Variants in NGEF observed in about 807,000 individuals in gnomAD.
NGEF encodes the protein ephexin-1.
A neutral mutation model predicts 80.9 loss-of-function variants in NGEF; 31 were observed. The ratio of observed to expected loss-of-function variants is 0.38; its 90% CI spans 0.29 to 0.52. The LOEUF (loss-of-function observed/expected upper bound fraction) is 0.52. Among genes scored for constraint, NGEF ranks in the 20% least tolerant of loss-of-function variants. NGEF has a pLI of 0.84. For synonymous variants in NGEF, 371 were observed against 370.2 expected (o/e 1.00, Z -0.03); for missense variants, 709 against 926.2 (o/e 0.77, Z 3.04).
At chr2:232,993,094 T>A (rs932265964) in intron 1 of NGEF, among the ~76,000 whole-genome samples, 14 of 68,610 alleles carry the variant, frequency 2.0e-4, no homozygotes, top group African/African-American at 6.9e-4. Context: ...CAAATATATA[T>A]ATAAATAAAT....
At chr2:232,963,520 G>A (rs1693993395) in intron 3 of NGEF, among the ~76,000 whole-genome samples, 1 of 151,888 alleles carries the variant, frequency 6.6e-6, no homozygotes, top group Non-Finnish European at 1.5e-5. Flanking sequence ...CTCATTAAAA[G>A]ACAAGAAACT....
intron 1 of NGEF, among the ~76,000 whole-genome samples, chr2:233,003,321 G>A (rs889423014): frequency 1.2e-4 from 18 of 152,108 alleles, no homozygotes; most frequent in African/African-American, 4.3e-4. Context: ...CAGCAGCGCG[G>A]GGTGCTCTTT....
At chr2:232,898,116 C>T (rs184515749) in intron 5 of NGEF, among the ~76,000 whole-genome samples, 46 of 152,366 alleles carry the variant, frequency 3.0e-4, no homozygotes, top group Admixed American at 1.8e-3. Context: ...ATTCATTTTC[C>T]TGCTGCTAAA....
chr2:232,886,536 T>C (rs536221831), intron 9 of NGEF, among the ~76,000 whole-genome samples: 9 of 152,366 alleles, frequency 5.9e-5, no homozygotes, highest in African/African-American at 9.6e-5. Context: ...AAGTTTATTT[T>C]CTTTTTACTT....
chr2:232,906,362 C>G (rs1283973988), intron 5 of NGEF, among the ~76,000 whole-genome samples: 1 of 132,568 alleles, frequency 7.5e-6, no homozygotes, highest in African/African-American at 2.8e-5. Flanking sequence ...GTCAGCCCCC[C>G]GCCCGGCCAG....
At chr2:232,948,272 C>A (rs1681311302) in intron 3 of NGEF, among the ~76,000 whole-genome samples, 2 of 151,934 alleles carry the variant, frequency 1.3e-5, no homozygotes, top group African/African-American at 4.8e-5. Flanking sequence ...ACTGCAACCC[C>A]CGCCTTCTGG....
At chr2:232,940,603 CTATT>C (rs1312827420) in intron 3 of NGEF, among the ~76,000 whole-genome samples, 2 of 152,082 alleles carry the variant, frequency 1.3e-5, no homozygotes, top group Admixed American at 6.5e-5. Context: ...AATAGATTGA[CTATT>C]TAAATGATCA....
intron 1 of NGEF, among the ~76,000 whole-genome samples, chr2:232,986,857 T>C (rs1354886455): frequency 6.6e-6 from 1 of 152,234 alleles, no homozygotes; most frequent in Non-Finnish European, 1.5e-5. Flanking sequence ...TATCACATCA[T>C]CACATTGTAT....
chr2:232,959,112 T>C (rs1383062433), intron 3 of NGEF, among the ~76,000 whole-genome samples: 1 of 152,246 alleles, frequency 6.6e-6, no homozygotes, highest in Non-Finnish European at 1.5e-5. Flanking sequence ...AGATAGAGTC[T>C]GTATAATGCA....
intron 2 of NGEF, among the ~76,000 whole-genome samples, chr2:232,971,500 C>T (rs554488648): frequency 6.6e-6 from 1 of 152,152 alleles, no homozygotes; most frequent in African/African-American, 2.4e-5. Flanking sequence ...GCCTGGCCAA[C>T]ATGGTGAAAC....
At chr2:233,000,775 C>A (rs1392308236) in intron 1 of NGEF, among the ~76,000 whole-genome samples, 11 of 140,802 alleles carry the variant, frequency 7.8e-5, no homozygotes, top group Admixed American at 5.0e-4. Flanking sequence ...AAAAAAAAAA[C>A]GAAAAAACCT....
chr2:232,929,429 C>A (rs1219397064), intron 3 of NGEF, among the ~76,000 whole-genome samples: 1 of 152,208 alleles, frequency 6.6e-6, no homozygotes, highest in Non-Finnish European at 1.5e-5. Context: ...ACTTCCCCAG[C>A]TTTGACTCTA....
intron 3 of NGEF, among the ~76,000 whole-genome samples, chr2:232,932,446 C>G (rs969120606): frequency 2.0e-5 from 3 of 151,982 alleles, no homozygotes; most frequent in Non-Finnish European, 4.4e-5. Context: ...ATTACAGGCA[C>G]GAGTCACCAG....
intron 3 of NGEF, among the ~76,000 whole-genome samples, chr2:232,950,313 C>T (rs1025610579): frequency 6.6e-6 from 1 of 152,088 alleles, no homozygotes; most frequent in Non-Finnish European, 1.5e-5. Flanking sequence ...ATACAGCCTG[C>T]GGTGTTATTG....
At chr2:232,910,297 G>A (rs1006581890) in intron 5 of NGEF, among the ~76,000 whole-genome samples, 1 of 152,044 alleles carries the variant, frequency 6.6e-6, no homozygotes. Flanking sequence ...TTTTCATAAG[G>A]TGCAATTAGA....
intron 14 of NGEF, among the ~76,000 whole-genome samples, chr2:232,880,706 C>T (rs1340990310): frequency 2.6e-5 from 4 of 152,300 alleles, no homozygotes; most frequent in East Asian, 3.9e-4. Context: ...GAGCTGGGGG[C>T]GGCTTCTTGG....
chr2:232,936,627 A>G (rs577272660), intron 3 of NGEF, among the ~76,000 whole-genome samples: 1 of 152,320 alleles, frequency 6.6e-6, no homozygotes, highest in Admixed American at 6.5e-5. Context: ...TCTCTGGTTG[A>G]TGGTGCGCCA....
intron 3 of NGEF, among the ~76,000 whole-genome samples, chr2:232,960,889 A>T (rs1266045817): frequency 2.0e-5 from 3 of 152,142 alleles, no homozygotes; most frequent in Non-Finnish European, 4.4e-5. Context: ...AAAAAACAAC[A>T]TGTGGGGATA....
chr2:232,955,980 A>C (rs1693819212), intron 3 of NGEF, among the ~76,000 whole-genome samples: 3 of 152,214 alleles, frequency 2.0e-5, no homozygotes, highest in South Asian at 4.1e-4. Context: ...TGAATTTTGC[A>C]GAAATGAAAC....
Sources: gnomAD v4.1 joint callset for allele counts (sites outside exome capture counted in the v4.1 genomes callset) on GRCh38, gnomAD v4.1.1 for gene constraint, MANE v1.5 for transcripts, NCBI Gene and HGNC (gene_info 2026-07-23, HGNC 2026-07-21) for gene names.